Variants in HSD17B3 observed in about 807,000 individuals in gnomAD.
HSD17B3 encodes the protein 17-beta-hydroxysteroid dehydrogenase type 3.
A neutral mutation model predicts 41.1 loss-of-function variants in HSD17B3; 29 were observed. That is an observed-to-expected ratio of 0.71 (90% CI 0.53 to 0.96). The LOEUF is 0.96. Ranked by LOEUF, HSD17B3 falls within the 40% of genes least tolerant of loss-of-function variation. HSD17B3 has a pLI of 0.00. For missense variants in HSD17B3, 323 were observed against 374.6 expected (o/e 0.86, Z 1.14); for synonymous variants, 126 against 145.6 (o/e 0.87, Z 0.97).
chr9:96,282,558 A>G (rs1329657066), intron 2 of HSD17B3, among the ~76,000 whole-genome samples: 1 of 152,212 alleles, frequency 6.6e-6, no homozygotes, highest in East Asian at 1.9e-4. Flanking sequence ...GGACATGTGG[A>G]GTTAGCCACA....
chr9:96,285,214 T>C (rs973060922), intron 2 of HSD17B3, among the ~76,000 whole-genome samples: 3 of 152,152 alleles, frequency 2.0e-5, no homozygotes, highest in African/African-American at 7.2e-5. Flanking sequence ...TCAGGCCAAG[T>C]ATAATGAAGC....
Position 96,245,417 on chromosome 9 carries a change from A to C in HSD17B3, c.534T>G (p.Gly178=). The C allele has an allele frequency of 6.2e-7, 1 of 1,613,934 alleles. No homozygotes were observed. Among genetic ancestry groups the C allele is most frequent in the South Asian group, 1.1e-5 (1 of 91,084 alleles). The change falls in exon 8 of 11, where the codon GGT becomes GGG. Residue 178 remains glycine (G), a synonymous_variant. Coordinates refer to ENST00000375263, the MANE Select transcript of HSD17B3 (RefSeq NM_000197.2). Reference sequence around the variant, plus strand: ...TCCCAGAAGAAATGTTCAGGATGAGACCTTTCTGCCTGAAAGGCAAAGAAG... The same window carrying C: ...TCCCAGAAGAAATGTTCAGGATGAGCCCTTTCTGCCTGAAAGGCAAAGAAG... The part of the protein sequence containing the change: ...ILKHMESRQK[G]LILNISSGIA...
intron 2 of HSD17B3, among the ~76,000 whole-genome samples, chr9:96,264,310 T>C (rs1238814492): frequency 6.8e-6 from 1 of 147,570 alleles, no homozygotes; most frequent in Non-Finnish European, 1.5e-5. Context: ...AGGTTGCACA[T>C]GGGAAGACGG....
At chr9:96,258,241 TC>T (rs2130739548) in intron 2 of HSD17B3, among the ~76,000 whole-genome samples, 1 of 152,348 alleles carries the variant, frequency 6.6e-6, no homozygotes, top group South Asian at 2.1e-4. Context: ...TTTTATATGT[TC>T]TTTTTGATTT....
At chr9:96,278,900 C>T (rs1226314175) in intron 2 of HSD17B3, among the ~76,000 whole-genome samples, 19 of 152,206 alleles carry the variant, frequency 1.2e-4, no homozygotes, top group Admixed American at 1.2e-3. Context: ...AGTCAGGAAC[C>T]TGTTCTTGAA....
chr9:96,296,518 A>T (rs1445700282), intron 2 of HSD17B3, among the ~76,000 whole-genome samples: 1 of 152,152 alleles, frequency 6.6e-6, no homozygotes, highest in Non-Finnish European at 1.5e-5. Flanking sequence ...AATTACTATA[A>T]CATAGTGGAA....
chr9:96,246,746 C>G, intron 6 of HSD17B3, 156 bp from the exon 7 acceptor site: 1 of 723,284 alleles, frequency 1.4e-6, no homozygotes, highest in East Asian at 2.6e-5. Context: ...GGAGGTCACT[C>G]TGGCCACATT....
intron 5 of HSD17B3, among the ~76,000 whole-genome samples, chr9:96,250,821 G>A (rs1289671586): frequency 2.0e-5 from 3 of 151,598 alleles, no homozygotes; most frequent in African/African-American, 7.3e-5. Context: ...CCGGGAGGCA[G>A]AGGTTGCAGT....
intron 2 of HSD17B3, among the ~76,000 whole-genome samples, chr9:96,297,346 T>C (rs1447216945): frequency 9.3e-5 from 13 of 139,644 alleles, no homozygotes; most frequent in African/African-American, 2.3e-4. Context: ...GATTTCTTTT[T>C]TTTTTTTTTT....
At chr9:96,265,305 T>A (rs1176255849) in intron 2 of HSD17B3, among the ~76,000 whole-genome samples, 1 of 152,258 alleles carries the variant, frequency 6.6e-6, no homozygotes, top group African/African-American at 2.4e-5. Context: ...TATAAATCCC[T>A]ATTGCTTAAA....
chr9:96,264,457 G>GA (rs1207175024), intron 2 of HSD17B3, among the ~76,000 whole-genome samples: 1 of 152,234 alleles, frequency 6.6e-6, no homozygotes. Flanking sequence ...TAAAGGATCA[G>GA]AAAGGGAGGA....
chr9:96,243,415 A>G (rs1836528686), intron 9 of HSD17B3, among the ~76,000 whole-genome samples: 1 of 152,052 alleles, frequency 6.6e-6, no homozygotes. Flanking sequence ...CCTACCATTA[A>G]CTCATATCTG....
At chr9:96,297,341 CTTTTTTTTTTTT>C (rs71368242) in intron 2 of HSD17B3, among the ~76,000 whole-genome samples, 3 of 73,574 alleles carry the variant, frequency 4.1e-5, no homozygotes, top group South Asian at 5.1e-4. Context: ...TTATTGATTT[CTTTTTTTTTTTT>C]TTTTTTTTTT....
chr9:96,300,238 A>ACACG (rs1827533986), intron 1 of HSD17B3, among the ~76,000 whole-genome samples: 1 of 151,592 alleles, frequency 6.6e-6, no homozygotes, highest in Admixed American at 6.6e-5. Context: ...ACACACACAC[A>ACACG]CACACACACA....
At chr9:96,250,535 C>T (rs950834030) in intron 5 of HSD17B3, 107 of 951,774 alleles carry the variant, frequency 1.1e-4, no homozygotes, top group Non-Finnish European at 1.3e-4. Context: ...ATTGGTGTAG[C>T]CCTAATGACT....
chr9:96,259,779 G>C (rs1825797082), intron 2 of HSD17B3, among the ~76,000 whole-genome samples: 2 of 151,954 alleles, frequency 1.3e-5, no homozygotes, highest in South Asian at 4.2e-4. Context: ...CCTCAATTGT[G>C]TTACTTATTT....
At chr9:96,297,795 T>G (rs1237561880) in intron 2 of HSD17B3, among the ~76,000 whole-genome samples, 1 of 152,222 alleles carries the variant, frequency 6.6e-6, no homozygotes, top group Non-Finnish European at 1.5e-5. Flanking sequence ...AATGTTTCAT[T>G]AATAAAAATG....
At chr9:96,264,139 T>C (rs1825960899) in intron 2 of HSD17B3, among the ~76,000 whole-genome samples, 1 of 152,166 alleles carries the variant, frequency 6.6e-6, no homozygotes, top group African/African-American at 2.4e-5. Flanking sequence ...AATTAATTAA[T>C]TTAAATAAGT....
chr9:96,272,171 C>A (rs898985357), intron 2 of HSD17B3, among the ~76,000 whole-genome samples: 2 of 151,104 alleles, frequency 1.3e-5, no homozygotes, highest in Non-Finnish European at 2.9e-5. Flanking sequence ...GAGTTTGAAA[C>A]CAGCCTGGCC....
Sources: gnomAD v4.1 joint callset for allele counts (sites outside exome capture counted in the v4.1 genomes callset) on GRCh38, gnomAD v4.1.1 for gene constraint, MANE v1.5 for transcripts, NCBI Gene and HGNC (gene_info 2026-07-23, HGNC 2026-07-21) for gene names.